CADPS: variants seen among roughly 807,000 people sequenced by gnomAD.
The protein encoded by CADPS is calcium dependent secretion activator.
Under a neutral mutation model 167.3 loss-of-function variants are expected in CADPS, and 57 were observed. The ratio of observed to expected loss-of-function variants is 0.34; its 90% CI spans 0.28 to 0.42. CADPS has a LOEUF of 0.42. Among genes scored for constraint, CADPS ranks in the 20% least tolerant of loss-of-function variants. The pLI is 1.00. For missense variants in CADPS, 1,414 were observed against 1,738.1 expected (o/e 0.81, Z 3.32); for synonymous variants, 676 against 635.3 (o/e 1.06, Z -0.96).
chr3:62,862,330 C>T (rs1030628821), intron 1 of CADPS, among the ~76,000 whole-genome samples: 2 of 151,264 alleles, frequency 1.3e-5, no homozygotes, highest in South Asian at 4.2e-4. Context: ...GATTCTTCTG[C>T]CTCAACTTCC....
chr3:62,578,763 T>C (rs562406034), intron 8 of CADPS, among the ~76,000 whole-genome samples: 17 of 152,220 alleles, frequency 1.1e-4, no homozygotes, highest in African/African-American at 3.9e-4. Context: ...TCTAAATAAA[T>C]GAAAATCAGT....
At chr3:62,724,621 A>T (rs888994155) in intron 3 of CADPS, among the ~76,000 whole-genome samples, 7 of 152,274 alleles carry the variant, frequency 4.6e-5, no homozygotes, top group African/African-American at 1.7e-4. Flanking sequence ...ATTCTCATAT[A>T]TGTGGTGTTA....
chr3:62,606,357 T>C (rs1337522348), intron 6 of CADPS, among the ~76,000 whole-genome samples: 2 of 152,042 alleles, frequency 1.3e-5, no homozygotes, highest in Non-Finnish European at 2.9e-5. Flanking sequence ...GATTAATGGG[T>C]TAACAGATTA....
At chr3:62,565,156 C>T (rs1006343422) in intron 9 of CADPS, among the ~76,000 whole-genome samples, 18 of 152,026 alleles carry the variant, frequency 1.2e-4, no homozygotes, top group African/African-American at 4.1e-4. Context: ...ACCATGGACC[C>T]GAGGGTTTAG....
At chr3:62,722,815 G>A (rs1195318408) in intron 3 of CADPS, among the ~76,000 whole-genome samples, 1 of 152,112 alleles carries the variant, frequency 6.6e-6, no homozygotes, top group Non-Finnish European at 1.5e-5. Flanking sequence ...TTTTTGTGGG[G>A]GTGTGTCTGT....
At chr3:62,531,503 A>T (rs1247134674) in intron 13 of CADPS, among the ~76,000 whole-genome samples, 1 of 152,180 alleles carries the variant, frequency 6.6e-6, no homozygotes, top group South Asian at 2.1e-4. Context: ...GTAAAAATAC[A>T]TCAGTGCTAG....
Position 62,399,623 on chromosome 3 carries a change from A to T in CADPS, c.3883-38T>A. On this transcript the variant is annotated intron_variant, in intron 29 of 29. Transcript: ENST00000383710. This position sits in a 1 kb window ranked among gnomAD's most constrained non-coding sequence, Gnocchi z 5.6. ...AAGATACAGTGATAAGAGAGATCTCATCTCCATGATGGGGAGGGAGAAGGT... is the reference window on the plus strand; with the variant it reads ...AAGATACAGTGATAAGAGAGATCTCTTCTCCATGATGGGGAGGGAGAAGGT... The T allele has an allele frequency of 6.5e-7, 1 of 1,544,224 alleles. No individual in the cohort carries two copies. Among genetic ancestry groups the T allele is most frequent in the Non-Finnish European group, 8.9e-7 (1 of 1,118,754 alleles).
At chr3:62,816,327 T>G (rs1461597352) in intron 1 of CADPS, among the ~76,000 whole-genome samples, 1 of 152,028 alleles carries the variant, frequency 6.6e-6, no homozygotes, top group East Asian at 1.9e-4. Context: ...GGCTTAGAGG[T>G]TGTCTCTCAC....
chr3:62,725,956 C>G (rs923874573), intron 3 of CADPS, among the ~76,000 whole-genome samples: 2 of 151,798 alleles, frequency 1.3e-5, no homozygotes, highest in African/African-American at 2.4e-5. Flanking sequence ...ATTGCTAGAA[C>G]CTGCCAGAGT....
At chr3:62,774,147 CAA>C (rs2089672708) in intron 1 of CADPS, among the ~76,000 whole-genome samples, 1 of 151,592 alleles carries the variant, frequency 6.6e-6, no homozygotes, top group Admixed American at 6.6e-5. Context: ...GATTGAAGAT[CAA>C]AAGAGAAGAG....
chr3:62,847,207 A>G (rs893957451), intron 1 of CADPS, among the ~76,000 whole-genome samples: 3 of 149,452 alleles, frequency 2.0e-5, no homozygotes, highest in Admixed American at 6.6e-5. Context: ...GCTTTTTGAC[A>G]TGCCAAAATG....
At chr3:62,618,442 C>T (rs1195896464) in intron 6 of CADPS, among the ~76,000 whole-genome samples, 1 of 152,134 alleles carries the variant, frequency 6.6e-6, no homozygotes, top group Non-Finnish European at 1.5e-5. Flanking sequence ...GGACTGCAAG[C>T]CTCAGCATCA....
chr3:62,562,392 C>A (rs964515842), intron 9 of CADPS, among the ~76,000 whole-genome samples: 9 of 152,178 alleles, frequency 5.9e-5, no homozygotes, highest in African/African-American at 2.2e-4. Flanking sequence ...CCATTATTTT[C>A]TATGTGAACC....
rs61474581 is a variant in CADPS at position 62,583,155 on chromosome 3, GTCTCTCTC to G, written c.1577+2022_1577+2029del. Among the ~76,000 whole-genome samples, 788 of 147,232 alleles carry G rather than the reference GTCTCTCTC, an allele frequency of 5.4e-3. 7 individuals carry two copies. Among genetic ancestry groups the G allele is most frequent in the African/African-American group, 0.018 (718 of 39,916 alleles). On this transcript the variant is annotated intron_variant, in intron 8 of 29. Coordinates refer to ENST00000383710, the MANE Select transcript of CADPS (RefSeq NM_003716.4). ...CTCTTTGATCTGCCCTACCCTCTTT[GTCTCTCTC>G]TCTCTCTCTCTCTCTCTCTCTCTCT...
At chr3:62,706,144 C>G (rs1431136236) in intron 3 of CADPS, among the ~76,000 whole-genome samples, 1 of 152,018 alleles carries the variant, frequency 6.6e-6, no homozygotes, top group Non-Finnish European at 1.5e-5. Flanking sequence ...GTAGGCATTC[C>G]TTTTGCTTGG....
intron 11 of CADPS, among the ~76,000 whole-genome samples, chr3:62,545,146 T>A (rs577865283): frequency 1.3e-5 from 2 of 152,270 alleles, no homozygotes; most frequent in East Asian, 3.9e-4. Context: ...TTAACAGTTA[T>A]TAGTTGAGAA....
intron 1 of CADPS, among the ~76,000 whole-genome samples, chr3:62,864,600 G>A (rs1055590150): frequency 3.3e-5 from 5 of 151,978 alleles, no homozygotes; most frequent in East Asian, 1.9e-4. Context: ...TCCTTTTCAC[G>A]TGGCCTTCTC....
In CADPS at chr3:62,599,840, TTATA is replaced by T. The variant is rs370096029; in HGVS notation, c.1326-7096_1326-7093del. ...TATTATATATTATATATATAATATA[TTATA>T]TATATATAATATATATAATATATAA... On this transcript the variant is annotated intron_variant, in intron 6 of 29. Transcript: ENST00000383710. Among the ~76,000 whole-genome samples the T allele has an allele frequency of 1.3e-3, 14 of 11,144 alleles. No homozygotes were observed. In the Admixed American group the frequency reaches 0.014, roughly 11 times the overall value. 7.3% of individuals were successfully genotyped at this position (11,144 alleles called of 152,430 possible).
At chr3:62,714,876 A>T (rs759308004) in intron 3 of CADPS, among the ~76,000 whole-genome samples, 3 of 152,202 alleles carry the variant, frequency 2.0e-5, no homozygotes, top group Non-Finnish European at 4.4e-5. Flanking sequence ...GATAGTACCC[A>T]ATTCACTATG....
Sources: gnomAD v4.1 joint callset for allele counts (sites outside exome capture counted in the v4.1 genomes callset) on GRCh38, gnomAD v4.1.1 for gene constraint, Gnocchi (gnomAD v3.1) non-coding constraint, MANE v1.5 for transcripts, NCBI Gene and HGNC (gene_info 2026-07-23, HGNC 2026-07-21) for gene names.